Variants in DLC1 observed in about 807,000 individuals in gnomAD.
DLC1 encodes the protein DLC1 Rho GTPase activating protein.
A neutral mutation model predicts 140.3 loss-of-function variants in DLC1; 54 were observed. The observed-to-expected ratio is 0.38, with a 90% CI of 0.31 to 0.48. The LOEUF is 0.48. Among genes scored for constraint, DLC1 ranks in the 20% least tolerant of loss-of-function variants. DLC1 has a pLI of 0.96. For synonymous variants in DLC1, 986 were observed against 728.1 expected, an observed-to-expected ratio of 1.35 and a Z score of -5.70; for missense variants, 2,536 against 1,907.0, an observed-to-expected ratio of 1.33 and a Z score of -6.14.
intron 4 of DLC1, among the ~76,000 whole-genome samples, chr8:13,384,389 T>C (rs530423577): frequency 4.9e-5 from 6 of 121,546 alleles, no homozygotes; most frequent in African/African-American, 1.7e-4. Context: ...CGTGTGTGTG[T>C]ATCATTGGAC....
At chr8:13,101,099 A>G (rs927518667) in intron 8 of DLC1, among the ~76,000 whole-genome samples, 1 of 152,058 alleles carries the variant, frequency 6.6e-6, no homozygotes, top group Non-Finnish European at 1.5e-5. Context: ...TGTAGAGAGC[A>G]GTAGTCTTAC....
intron 4 of DLC1, among the ~76,000 whole-genome samples, chr8:13,373,589 T>G (rs1835826963): frequency 6.6e-6 from 1 of 152,190 alleles, no homozygotes; most frequent in Non-Finnish European, 1.5e-5. Context: ...TTACACAACA[T>G]GCAAATAACA....
intron 5 of DLC1, among the ~76,000 whole-genome samples, chr8:13,267,052 T>A (rs1050676259): frequency 6.6e-6 from 1 of 152,210 alleles, no homozygotes; most frequent in African/African-American, 2.4e-5. Flanking sequence ...GCTAATTTCA[T>A]TTGGCTGGAA....
At chr8:13,201,920 G>GCTTTTT (rs1563160592) in intron 5 of DLC1, among the ~76,000 whole-genome samples, 1 of 132,404 alleles carries the variant, frequency 7.6e-6, no homozygotes, top group African/African-American at 3.1e-5. Context: ...GTACCCAAAA[G>GCTTTTT]GTTTTTTTTT....
intron 5 of DLC1, among the ~76,000 whole-genome samples, chr8:13,149,633 T>C (rs1408258971): frequency 6.6e-6 from 1 of 152,216 alleles, no homozygotes; most frequent in Admixed American, 6.5e-5. Context: ...AACATTAATA[T>C]TTTTCACGTT....
intron 4 of DLC1, among the ~76,000 whole-genome samples, chr8:13,319,819 C>CTTTTTTTTTTTTTTTTTTTTT (rs547737556): frequency 3.9e-5 from 3 of 76,150 alleles, no homozygotes; most frequent in African/African-American, 4.9e-5. Flanking sequence ...TTCTCTCTCT[C>CTTTTTTTTTTTTTTTTTTTTT]TCTTTTTTTT....
intron 1 of DLC1, chr8:13,584,574 A>T (rs1479304290): frequency 6.6e-6 from 1 of 152,196 alleles, no homozygotes; most frequent in Non-Finnish European, 1.5e-5. Context: ...ATAAAAACAC[A>T]TTGCAAAACA....
intron 4 of DLC1, among the ~76,000 whole-genome samples, chr8:13,362,491 TTA>T (rs1438002696): frequency 6.6e-6 from 1 of 152,166 alleles, no homozygotes; most frequent in East Asian, 1.9e-4. Flanking sequence ...AGTGAAACTC[TTA>T]TGTCGGTTAA....
At position 13,401,569 on chromosome 8, in the gene DLC1, C is replaced by T. The variant is rs1283396457; in HGVS notation, c.1074G>A (p.Leu358=). ...GATCAAGCTGGTCCAGTTTCATAATCAGCAGCACCATGGAGTCCAGCCGCG... is the reference window on the plus strand; with the variant it reads ...GATCAAGCTGGTCCAGTTTCATAATTAGCAGCACCATGGAGTCCAGCCGCG... The part of the protein sequence containing the change: ...DRARLDSMVL[L]IMKLDQLDQD... The change falls in exon 3 of 18, where the codon CTG becomes CTA. Residue 358 remains leucine (L), a synonymous_variant. Transcript: ENST00000276297. 3 of 1,613,730 alleles carry T rather than the reference C, an allele frequency of 1.9e-6. No homozygotes were observed. Among genetic ancestry groups the T allele is most frequent in the East Asian group, 2.2e-5 (1 of 44,888 alleles).
At chr8:13,136,460 A>G (rs1047343910) in intron 5 of DLC1, among the ~76,000 whole-genome samples, 1 of 152,144 alleles carries the variant, frequency 6.6e-6, no homozygotes, top group Non-Finnish European at 1.5e-5. Flanking sequence ...CTGTGTTAAT[A>G]TGGTTAACAT....
At chr8:13,312,360 C>CAAAAAA (rs777597726) in intron 4 of DLC1, among the ~76,000 whole-genome samples, 11 of 6,630 alleles carry the variant, frequency 1.7e-3, no homozygotes, top group African/African-American at 4.2e-3. Flanking sequence ...GACTCCGTCT[C>CAAAAAA]AAAAAAAAAA....
chr8:13,198,892 T>A (rs544003339), intron 5 of DLC1, among the ~76,000 whole-genome samples: 192 of 152,104 alleles, frequency 1.3e-3, no homozygotes, highest in Non-Finnish European at 2.1e-3. Flanking sequence ...AATTTTTGTA[T>A]TTTTAGTAGA....
intron 2 of DLC1, among the ~76,000 whole-genome samples, chr8:13,464,991 T>C (rs2117041234): frequency 6.6e-6 from 1 of 152,124 alleles, no homozygotes; most frequent in Non-Finnish European, 1.5e-5. Context: ...CTCAGCCTCC[T>C]GAGTAGCTTG....
At chr8:13,435,833 T>C (rs1005191321) in intron 2 of DLC1, among the ~76,000 whole-genome samples, 13 of 152,164 alleles carry the variant, frequency 8.5e-5, no homozygotes, top group Non-Finnish European at 1.5e-4. Flanking sequence ...GAGAAGCGTT[T>C]TGTGAAAGGA....
intron 1 of DLC1, among the ~76,000 whole-genome samples, chr8:13,542,863 T>G (rs1803531040): frequency 6.6e-6 from 1 of 152,162 alleles, no homozygotes; most frequent in African/African-American, 2.4e-5. Context: ...ATAACTTTTT[T>G]GTTGATTCCC....
chr8:13,417,672 C>T (rs992900953), intron 2 of DLC1, among the ~76,000 whole-genome samples: 5 of 152,114 alleles, frequency 3.3e-5, no homozygotes, highest in African/African-American at 7.2e-5. Context: ...AATAAACATA[C>T]GTCTGCATGT....
intron 4 of DLC1, among the ~76,000 whole-genome samples, chr8:13,349,408 A>G (rs1287728116): frequency 6.6e-6 from 1 of 152,188 alleles, no homozygotes; most frequent in Non-Finnish European, 1.5e-5. Context: ...GAAAGAAAAA[A>G]ACGGAATACA....
intron 5 of DLC1, among the ~76,000 whole-genome samples, chr8:13,200,623 G>A (rs1430318238): frequency 6.6e-6 from 1 of 151,966 alleles, no homozygotes; most frequent in Admixed American, 6.6e-5. Flanking sequence ...TTTTTTTAGA[G>A]AGGCAGAGTC....
In DLC1 at chr8:13,586,822, T is replaced by A. The variant is rs1477376140; in HGVS notation, c.-126+17715A>T. Among the ~76,000 whole-genome samples, 4 of 152,094 alleles carry A rather than the reference T, an allele frequency of 2.6e-5. No homozygotes were observed. The South Asian group carries it at 8.3e-4, about 32-fold the overall frequency. On this transcript the variant is annotated intron_variant, in intron 1 of 1. Transcript: ENST00000631382. The stretch of plus-strand genomic sequence containing the variant: ...TGAAGTTTGAAGTGCCTATAGATAG[T>A]ATTCAAGCAAGACTTGTTATAGTGG...
Sources: allele counts gnomAD v4.1 joint callset (sites outside exome capture counted in the v4.1 genomes callset), GRCh38; gene constraint gnomAD v4.1.1; transcripts MANE v1.5; gene names NCBI Gene and HGNC (gene_info 2026-07-23, HGNC 2026-07-21).